The following TACC1 variants were observed in gnomAD, a reference collection of about 807,000 sequenced individuals.
TACC1 encodes the protein transforming acidic coiled-coil-containing protein 1.
TACC1 carries 48 observed loss-of-function variants against 84.4 expected under a neutral mutation model. The ratio of observed to expected loss-of-function variants is 0.57; its 90% CI spans 0.45 to 0.72. The LOEUF is 0.72. Ranked by LOEUF, TACC1 falls within the 30% of genes least tolerant of loss-of-function variation. TACC1 has a pLI of 0.00. For missense variants in TACC1, 920 were observed against 973.0 expected (o/e 0.95, Z 0.72); for synonymous variants, 372 against 376.3 (o/e 0.99, Z 0.13).
upstream of TACC1, among the ~76,000 whole-genome samples, chr8:38,784,085 C>T (rs982889250): frequency 6.6e-6 from 1 of 152,192 alleles, no homozygotes; most frequent in Non-Finnish European, 1.5e-5. Flanking sequence ...TCTTCACTGA[C>T]AGGGCTAGAG....
chr8:38,749,790 C>G (rs1808713403), intron 3 of TACC1, among the ~76,000 whole-genome samples: 1 of 152,114 alleles, frequency 6.6e-6, no homozygotes, highest in African/African-American at 2.4e-5. Context: ...CAGGGTTTCA[C>G]CATGTTGGTC....
chr8:38,758,002 G>A (rs1394377479), intron 3 of TACC1, among the ~76,000 whole-genome samples: 1 of 152,220 alleles, frequency 6.6e-6, no homozygotes, highest in Non-Finnish European at 1.5e-5. Context: ...GCTGTGAAGG[G>A]AAAGTTTTAG....
chr8:38,742,770 A>C (rs1392538246), intron 2 of TACC1, among the ~76,000 whole-genome samples: 1 of 152,184 alleles, frequency 6.6e-6, no homozygotes, highest in Non-Finnish European at 1.5e-5. Flanking sequence ...GCTGGAGGGC[A>C]GTGGCACGAT....
At position 38,827,403 on chromosome 8, in the gene TACC1, A is replaced by C. The variant is rs572104293; in HGVS notation, c.1660+28A>C. 3.7e-6 allele frequency: 6 copies of C among 1,610,042 alleles called. No homozygotes were observed. The South Asian group carries it at 5.5e-5, about 15-fold the overall frequency. On this transcript the variant is annotated intron_variant, in intron 5 of 12. Transcript: ENST00000317827. ...ATGGAAGCATATCTTCATCTTTCTA[A>C]TGTACATAAGCATGGAAATGCCTGA...
intron 1 of TACC1, chr8:38,742,292 G>T: frequency 1.4e-6 from 1 of 703,060 alleles, no homozygotes; most frequent in Non-Finnish European, 2.1e-6. Flanking sequence ...GGAAACTTGT[G>T]CTGGAAACTT....
At chr8:38,798,552 GT>G (rs1820530354) in intron 2 of TACC1, among the ~76,000 whole-genome samples, 1 of 151,594 alleles carries the variant, frequency 6.6e-6, no homozygotes, top group African/African-American at 2.4e-5. Flanking sequence ...TTGTTTGGGG[GT>G]TTTTTGGAGG....
At chr8:38,780,563 T>C (rs1815737722) in intron 3 of TACC1, among the ~76,000 whole-genome samples, 1 of 152,126 alleles carries the variant, frequency 6.6e-6, no homozygotes, top group African/African-American at 2.4e-5. Flanking sequence ...TATTTTTGCA[T>C]AAATGTGTCT....
chr8:38,753,698 C>G (rs1348782165), intron 3 of TACC1, among the ~76,000 whole-genome samples: 8 of 152,152 alleles, frequency 5.3e-5, no homozygotes, highest in African/African-American at 1.9e-4. Context: ...CAGCCTGGCC[C>G]AAAGCCCCAG....
chr8:38,765,819 G>A (rs1238922191), intron 3 of TACC1, among the ~76,000 whole-genome samples: 1 of 152,104 alleles, frequency 6.6e-6, no homozygotes, highest in Admixed American at 6.5e-5. Flanking sequence ...TGTGAATGGA[G>A]GGGGATGTGT....
chr8:38,741,764 A>G (rs531536811), intron 1 of TACC1, among the ~76,000 whole-genome samples: 5 of 152,308 alleles, frequency 3.3e-5, no homozygotes, highest in African/African-American at 7.2e-5. Flanking sequence ...ATGAGACCCA[A>G]AAAAATACAA....
chr8:38,821,283 C>T (rs1028502686), intron 3 of TACC1, among the ~76,000 whole-genome samples: 12 of 152,028 alleles, frequency 7.9e-5, no homozygotes, highest in African/African-American at 2.7e-4. Context: ...TGTTAGGAGT[C>T]GTGTTATAGA....
Position 38,852,038 on chromosome 8 carries a change from T to C in TACC1, c.*4015T>C, listed in dbSNP as rs1004866745. The C allele has an allele frequency of 6.7e-6, 3 of 451,016 alleles. No homozygotes were observed. Among genetic ancestry groups the C allele is most frequent in the Non-Finnish European group, 1.3e-5 (3 of 224,096 alleles). The allele number at this position is 451,016 out of a possible 1,614,324, so 27.9% of individuals were successfully genotyped here. The stretch of plus-strand genomic sequence containing the variant: ...GAAACTGATGTAACAGACTCTCCTC[T>C]CAAAGGATCTCCTCTGGAAGAGACT... On this transcript the variant is annotated 3_prime_UTR_variant, in exon 13 of 13. Transcript: ENST00000317827.
intron 2 of TACC1, among the ~76,000 whole-genome samples, chr8:38,815,780 A>T (rs2152162097): frequency 6.6e-6 from 1 of 152,220 alleles, no homozygotes; most frequent in South Asian, 2.1e-4. Flanking sequence ...CATTAGTTTT[A>T]AAAACAGTGG....
At chr8:38,793,980 GA>G (rs1819373588) in intron 2 of TACC1, among the ~76,000 whole-genome samples, 1 of 152,186 alleles carries the variant, frequency 6.6e-6, no homozygotes, top group Admixed American at 6.5e-5. Flanking sequence ...CTTTAAGAAT[GA>G]AAAGGTGCAA....
intron 3 of TACC1, among the ~76,000 whole-genome samples, chr8:38,750,397 C>T (rs1301247238): frequency 6.6e-6 from 1 of 152,080 alleles, no homozygotes; most frequent in South Asian, 2.1e-4. Flanking sequence ...CTACCTAAGA[C>T]GAGGTAGAGG....
Position 38,852,046 on chromosome 8 carries a change from TCTC to T in TACC1, c.*4027_*4029del, listed in dbSNP as rs1249852939. 1 of 448,468 alleles carries T rather than the reference TCTC, an allele frequency of 2.2e-6. No homozygotes were observed. Among genetic ancestry groups the T allele is most frequent in the East Asian group, 7.0e-5 (1 of 14,338 alleles). The allele number at this position is 448,468 out of a possible 1,614,324, so 27.8% of individuals were successfully genotyped here. On this transcript the variant is annotated 3_prime_UTR_variant, in exon 13 of 13. Coordinates refer to ENST00000317827, the MANE Select transcript of TACC1 (RefSeq NM_006283.3). ...TGTAACAGACTCTCCTCTCAAAGGA[TCTC>T]CTCTGGAAGAGACTATCAGCGGCAG...
chr8:38,814,898 C>T (rs1044741111), intron 2 of TACC1, among the ~76,000 whole-genome samples: 20 of 152,138 alleles, frequency 1.3e-4, no homozygotes, highest in Admixed American at 7.2e-4. Context: ...ATAAATTGTA[C>T]ACAAGAAAAT....
chr8:38,782,451 T>C (rs903695310), upstream of TACC1, among the ~76,000 whole-genome samples: 7 of 152,228 alleles, frequency 4.6e-5, no homozygotes, highest in Non-Finnish European at 1.0e-4. Context: ...TCCAAGTCTT[T>C]GCTATTGTGA....
chr8:38,818,684 A>G (rs1825977046), intron 2 of TACC1, among the ~76,000 whole-genome samples: 1 of 151,864 alleles, frequency 6.6e-6, no homozygotes, highest in South Asian at 2.1e-4. Context: ...TTTAGTTTTT[A>G]GGTCTACAGA....
Sources: gnomAD v4.1 joint callset for allele counts (sites outside exome capture counted in the v4.1 genomes callset) on GRCh38, gnomAD v4.1.1 for gene constraint, MANE v1.5 for transcripts, NCBI Gene and HGNC (gene_info 2026-07-23, HGNC 2026-07-21) for gene names.